Variants in KCTD8 observed in about 807,000 individuals in gnomAD.
KCTD8 encodes the protein BTB/POZ domain-containing protein KCTD8.
In KCTD8, 27 loss-of-function variants were observed where a neutral mutation model predicts 31.5. That is an observed-to-expected ratio of 0.86 (90% CI 0.63 to 1.18). KCTD8 has a LOEUF of 1.18. KCTD8 is among the 50% of genes most tolerant of loss of function. The probability of loss-of-function intolerance (pLI) is 0.00; values close to 1 mark genes in which losing one functional copy is unlikely to be tolerated. For synonymous variants in KCTD8, 290 were observed against 280.0 expected (o/e 1.04, Z -0.36); for missense variants, 658 against 647.7 (o/e 1.02, Z -0.17).
chr4:44,442,347 G>A (rs1436124484), intron 1 of KCTD8, among the ~76,000 whole-genome samples: 1 of 152,148 alleles, frequency 6.6e-6, no homozygotes, highest in Non-Finnish European at 1.5e-5. Flanking sequence ...AGCACTTTGG[G>A]AGTCCTAGGC....
chr4:44,338,545 C>CT (rs1326608405), intron 1 of KCTD8, among the ~76,000 whole-genome samples: 1 of 152,114 alleles, frequency 6.6e-6, no homozygotes, highest in South Asian at 2.1e-4. Context: ...ATAGGTAGTG[C>CT]TACATGCCTT....
intron 1 of KCTD8, among the ~76,000 whole-genome samples, chr4:44,406,726 CA>C (rs1454678629): frequency 2.0e-5 from 3 of 151,818 alleles, no homozygotes; most frequent in African/African-American, 7.3e-5. Flanking sequence ...CAACCTTGAC[CA>C]AAAAAATTAG....
chr4:44,381,636 G>T (rs987859736), intron 1 of KCTD8, among the ~76,000 whole-genome samples: 1 of 152,046 alleles, frequency 6.6e-6, no homozygotes, highest in Non-Finnish European at 1.5e-5. Flanking sequence ...GCTGGAGGTG[G>T]GGCCTGGTGG....
chr4:44,383,918 C>A (rs1720139571), intron 1 of KCTD8, among the ~76,000 whole-genome samples: 1 of 151,912 alleles, frequency 6.6e-6, no homozygotes, highest in Non-Finnish European at 1.5e-5. Flanking sequence ...TTGCAAATTT[C>A]TTTCAACAAG....
intron 1 of KCTD8, among the ~76,000 whole-genome samples, chr4:44,408,806 A>T (rs1393854049): frequency 6.6e-6 from 1 of 151,960 alleles, no homozygotes; most frequent in Non-Finnish European, 1.5e-5. Context: ...TTTAGTAGAG[A>T]CGGGTTTTCA....
chr4:44,334,414 A>AT (rs1718664848), intron 1 of KCTD8, among the ~76,000 whole-genome samples: 1 of 119,084 alleles, frequency 8.4e-6, no homozygotes, highest in Non-Finnish European at 2.0e-5. Flanking sequence ...AATCCTCGCT[A>AT]GTTTTTTTAT....
chr4:44,341,878 T>C (rs562280186), intron 1 of KCTD8, among the ~76,000 whole-genome samples: 74 of 152,294 alleles, frequency 4.9e-4, no homozygotes, highest in Non-Finnish European at 8.5e-4. Flanking sequence ...ACTGTAAATT[T>C]ACTTTACTCA....
chr4:44,418,145 A>G (rs1721121251), intron 1 of KCTD8, among the ~76,000 whole-genome samples: 1 of 152,168 alleles, frequency 6.6e-6, no homozygotes, highest in Non-Finnish European at 1.5e-5. Flanking sequence ...AATGGAGAAA[A>G]TTGGGAGAGG....
At chr4:44,436,275 A>G (rs1325800023) in intron 1 of KCTD8, among the ~76,000 whole-genome samples, 1 of 152,114 alleles carries the variant, frequency 6.6e-6, no homozygotes, top group Non-Finnish European at 1.5e-5. Context: ...AATTTAAATG[A>G]TACTACAAGA....
At chr4:44,397,410 T>G (rs1340639517) in intron 1 of KCTD8, among the ~76,000 whole-genome samples, 1 of 152,180 alleles carries the variant, frequency 6.6e-6, no homozygotes, top group Non-Finnish European at 1.5e-5. Context: ...TATAGGTAGA[T>G]AGAAAGTGTT....
chr4:44,200,718 C>T (rs1392286828), intron 1 of KCTD8, among the ~76,000 whole-genome samples: 2 of 151,998 alleles, frequency 1.3e-5, no homozygotes, highest in Non-Finnish European at 2.9e-5. Flanking sequence ...CAGGCAAAAG[C>T]TTAAATCATT....
chr4:44,245,789 A>T (rs1715647253), intron 1 of KCTD8, among the ~76,000 whole-genome samples: 1 of 151,816 alleles, frequency 6.6e-6, no homozygotes, highest in Non-Finnish European at 1.5e-5. Flanking sequence ...AAAGCAGCTA[A>T]CTCTTATGAA....
At chr4:44,300,482 G>A (rs1337344537) in intron 1 of KCTD8, among the ~76,000 whole-genome samples, 1 of 151,046 alleles carries the variant, frequency 6.6e-6, no homozygotes, top group Non-Finnish European at 1.5e-5. Flanking sequence ...AGAAAAAAAG[G>A]TTATATTCAT....
intron 1 of KCTD8, among the ~76,000 whole-genome samples, chr4:44,255,539 T>C (rs763041998): frequency 6.6e-6 from 1 of 151,928 alleles, no homozygotes; most frequent in African/African-American, 2.4e-5. Flanking sequence ...CAGATCTCTA[T>C]TGTCTTAATA....
chr4:44,297,083 G>T (rs1358226031), intron 1 of KCTD8, among the ~76,000 whole-genome samples: 1 of 151,864 alleles, frequency 6.6e-6, no homozygotes, highest in Non-Finnish European at 1.5e-5. Context: ...CAAGCACTGG[G>T]TTGACAATAA....
chr4:44,196,400 T>C (rs1713942370), intron 1 of KCTD8, among the ~76,000 whole-genome samples: 1 of 152,212 alleles, frequency 6.6e-6, no homozygotes, highest in Non-Finnish European at 1.5e-5. Context: ...ATACAAATTG[T>C]GTAATTTTGG....
At chr4:44,336,877 A>T (rs1296225074) in intron 1 of KCTD8, among the ~76,000 whole-genome samples, 1 of 152,116 alleles carries the variant, frequency 6.6e-6, no homozygotes, top group Non-Finnish European at 1.5e-5. Flanking sequence ...TATATCAAAT[A>T]AAACAATAAA....
intron 1 of KCTD8, among the ~76,000 whole-genome samples, chr4:44,357,569 C>G (rs1719375672): frequency 6.6e-6 from 1 of 152,086 alleles, no homozygotes; most frequent in South Asian, 2.1e-4. Flanking sequence ...TGCCTAAAGC[C>G]AATTCTCTAA....
intron 1 of KCTD8, among the ~76,000 whole-genome samples, chr4:44,228,533 T>A (rs2109351424): frequency 6.6e-6 from 1 of 152,336 alleles, no homozygotes; most frequent in Non-Finnish European, 1.5e-5. Context: ...TTCCATTTGT[T>A]CCTCAAACAC....
Sources: gnomAD v4.1 joint callset for allele counts (sites outside exome capture counted in the v4.1 genomes callset) on GRCh38, gnomAD v4.1.1 for gene constraint, MANE v1.5 for transcripts, NCBI Gene and HGNC (gene_info 2026-07-23, HGNC 2026-07-21) for gene names.